KIAA1328: variants seen among roughly 807,000 people sequenced by gnomAD.
The protein encoded by KIAA1328 is protein hinderin.
Under a neutral mutation model 68.1 loss-of-function variants are expected in KIAA1328, and 52 were observed. The ratio of observed to expected loss-of-function variants is 0.76; its 90% CI spans 0.61 to 0.96. The LOEUF (loss-of-function observed/expected upper bound fraction) is 0.96, where lower values mean the gene tolerates loss of function less well. Among genes scored for constraint, KIAA1328 ranks in the 40% least tolerant of loss-of-function variants. KIAA1328 has a pLI of 0.00. For synonymous variants in KIAA1328, 232 were observed against 239.4 expected (o/e 0.97, Z 0.28); for missense variants, 641 against 677.6 (o/e 0.95, Z 0.60).
rs532794107 is a variant in KIAA1328 at position 37,067,724 on chromosome 18, T to C, written c.1232+179T>C. Among the ~76,000 whole-genome samples, 3 of 152,192 alleles carry C rather than the reference T, an allele frequency of 2.0e-5. No individual in the cohort carries two copies. In the South Asian group the frequency reaches 6.2e-4, roughly 32 times the overall value. On this transcript the variant is annotated intron_variant, in intron 7 of 9. Coordinates refer to ENST00000280020, the MANE Select transcript of KIAA1328 (RefSeq NM_020776.3). ...ACAGGCGCCCGCCACCATGCCCGGC[T>C]AATTTTTGTATTTTTAGTAGAGACG...
At chr18:37,136,453 A>G (rs933833654) in intron 7 of KIAA1328, among the ~76,000 whole-genome samples, 24 of 152,242 alleles carry the variant, frequency 1.6e-4, no homozygotes, top group Admixed American at 5.9e-4. Flanking sequence ...ATGAAATTAA[A>G]ATATGGATTA....
At chr18:36,839,992 A>G (rs969701984) in intron 3 of KIAA1328, among the ~76,000 whole-genome samples, 3 of 152,062 alleles carry the variant, frequency 2.0e-5, no homozygotes, top group African/African-American at 7.2e-5. Flanking sequence ...AGATCCCTGG[A>G]GCTCTCCTAT....
chr18:37,066,145 A>G (rs2056329395), intron 6 of KIAA1328, among the ~76,000 whole-genome samples: 1 of 152,194 alleles, frequency 6.6e-6, no homozygotes. Flanking sequence ...ATACAGATTA[A>G]GTTTTGTTCT....
chr18:36,934,026 C>T (rs1185698291), intron 5 of KIAA1328, among the ~76,000 whole-genome samples: 4 of 152,174 alleles, frequency 2.6e-5, no homozygotes, highest in Non-Finnish European at 2.9e-5. Flanking sequence ...CTTCCTAACT[C>T]TCCAGGATGA....
At chr18:36,981,271 A>G (rs978507695) in intron 6 of KIAA1328, among the ~76,000 whole-genome samples, 2 of 152,154 alleles carry the variant, frequency 1.3e-5, no homozygotes, top group Non-Finnish European at 1.5e-5. Context: ...AGAAAGATCT[A>G]AGTGAATCAA....
chr18:37,169,499 TTGTGTG>T (rs142156871), intron 8 of KIAA1328, among the ~76,000 whole-genome samples: 20,617 of 151,852 alleles, frequency 0.14, 1,709 homozygotes, highest in Admixed American at 0.18. Context: ...TATGTTGTTA[TTGTGTG>T]TGTGTGTCTG....
intron 7 of KIAA1328, among the ~76,000 whole-genome samples, chr18:37,099,324 T>A (rs998921144): frequency 1.3e-4 from 20 of 152,326 alleles, no homozygotes; most frequent in African/African-American, 4.8e-4. Context: ...GCCTTCATTT[T>A]GTTGTGTACC....
chr18:37,097,626 T>G (rs1227767320), intron 7 of KIAA1328, among the ~76,000 whole-genome samples: 1 of 152,256 alleles, frequency 6.6e-6, no homozygotes, highest in Non-Finnish European at 1.5e-5. Flanking sequence ...CATTGGTAGC[T>G]TGATGGGAAT....
chr18:37,091,701 C>T (rs887393221), intron 7 of KIAA1328, among the ~76,000 whole-genome samples: 5 of 152,174 alleles, frequency 3.3e-5, no homozygotes, highest in Non-Finnish European at 5.9e-5. Context: ...CTCTGGAGCC[C>T]TGCTGACATC....
intron 5 of KIAA1328, among the ~76,000 whole-genome samples, chr18:36,951,386 A>G (rs1418795530): frequency 6.6e-6 from 1 of 152,174 alleles, no homozygotes; most frequent in Non-Finnish European, 1.5e-5. Context: ...TTTATTGAGC[A>G]CTTATGTAGG....
At chr18:36,978,679 C>T (rs1284818395) in intron 6 of KIAA1328, among the ~76,000 whole-genome samples, 1 of 152,124 alleles carries the variant, frequency 6.6e-6, no homozygotes, top group Non-Finnish European at 1.5e-5. Context: ...ATTCCTTCAC[C>T]TCATGTGGCC....
At chr18:37,065,637 A>G (rs1359674993) in intron 6 of KIAA1328, among the ~76,000 whole-genome samples, 1 of 152,218 alleles carries the variant, frequency 6.6e-6, no homozygotes, top group Non-Finnish European at 1.5e-5. Flanking sequence ...TCTGATCGTT[A>G]GCTGGATTCA....
chr18:37,113,516 C>T (rs982996257), intron 7 of KIAA1328, among the ~76,000 whole-genome samples: 3 of 152,242 alleles, frequency 2.0e-5, no homozygotes, highest in East Asian at 1.9e-4. Context: ...AATCACTGAA[C>T]GTGGAAAGGA....
At chr18:36,942,822 T>C (rs2050763699) in intron 5 of KIAA1328, among the ~76,000 whole-genome samples, 1 of 152,188 alleles carries the variant, frequency 6.6e-6, no homozygotes, top group South Asian at 2.1e-4. Context: ...GCTATATTAT[T>C]GTGACTCTTA....
At chr18:36,903,020 G>C (rs1325967904) in intron 5 of KIAA1328, among the ~76,000 whole-genome samples, 3 of 151,956 alleles carry the variant, frequency 2.0e-5, no homozygotes, top group African/African-American at 7.2e-5. Flanking sequence ...GGACATGGGA[G>C]CTTAGGGGCT....
chr18:37,213,485 T>C (rs1466304883), intron 9 of KIAA1328, among the ~76,000 whole-genome samples: 2 of 152,212 alleles, frequency 1.3e-5, no homozygotes, highest in Admixed American at 6.5e-5. Flanking sequence ...AACTCATCCT[T>C]TTTTATGGCT....
intron 6 of KIAA1328, among the ~76,000 whole-genome samples, chr18:36,980,953 A>T (rs2052658895): frequency 6.6e-6 from 1 of 152,106 alleles, no homozygotes; most frequent in Non-Finnish European, 1.5e-5. Flanking sequence ...TAAACTTCTT[A>T]CTTTTGTGAA....
intron 6 of KIAA1328, among the ~76,000 whole-genome samples, chr18:36,998,073 C>A (rs1598929960): frequency 1.3e-5 from 2 of 152,156 alleles, no homozygotes; most frequent in South Asian, 4.1e-4. Context: ...CCACCCTGCC[C>A]ACCATAGGTA....
At chr18:36,996,021 A>G (rs981257047) in intron 6 of KIAA1328, among the ~76,000 whole-genome samples, 5 of 152,212 alleles carry the variant, frequency 3.3e-5, no homozygotes, top group African/African-American at 1.2e-4. Context: ...ATCTTTTATT[A>G]GTCCTCAAAA....
Sources: allele counts gnomAD v4.1 joint callset (sites outside exome capture counted in the v4.1 genomes callset), GRCh38; gene constraint gnomAD v4.1.1; transcripts MANE v1.5; gene names NCBI Gene and HGNC (gene_info 2026-07-23, HGNC 2026-07-21).